Variants in PPP2R2C observed in about 807,000 individuals in gnomAD.
PPP2R2C encodes protein phosphatase 2 regulatory subunit Bgamma.
A neutral mutation model predicts 45.3 loss-of-function variants in PPP2R2C; 10 were observed. The ratio of observed to expected loss-of-function variants is 0.22; its 90% CI spans 0.14 to 0.37. The LOEUF is 0.37. Ranked by LOEUF, PPP2R2C falls within the 10% of genes least tolerant of loss-of-function variation. The pLI, the probability that PPP2R2C is intolerant of heterozygous loss-of-function variation, is 1.00. For missense variants in PPP2R2C, 308 were observed against 619.7 expected, an observed-to-expected ratio of 0.50 and a Z score of 5.34; for synonymous variants, 257 against 245.4, an observed-to-expected ratio of 1.05 and a Z score of -0.44.
Position 6,330,895 on chromosome 4 carries a change from C to T in PPP2R2C, c.961-1542G>A, listed in dbSNP as rs1732356441. ...CCCAGCCCCCGTGTCCTCCTGGTGA[C>T]CCTTGCCTTCCCCTTGGGCCCCTGG... On this transcript the variant is annotated intron_variant, in intron 7 of 8. Transcript: ENST00000382599. This position sits in a 1 kb window ranked among gnomAD's most constrained non-coding sequence, Gnocchi z 7.0. Among the ~76,000 whole-genome samples the T allele has an allele frequency of 6.6e-6, 1 of 151,762 alleles. No individual in the cohort carries two copies. Among genetic ancestry groups the T allele is most frequent in the Non-Finnish European group, 1.5e-5 (1 of 67,924 alleles).
rs556882324 is a variant in PPP2R2C, at chr4:6,425,898, G to GTGTGCATGCACACGTGCATGCA, written c.71-44826_71-44805dup. On this transcript the variant is annotated intron_variant, in intron 1 of 8. Coordinates refer to ENST00000382599, the MANE Select transcript of PPP2R2C (RefSeq NM_020416.4). ...TGTGTGGTGTGTATGTGGTGTATGTGTGTGCATGCACACGTGCATGCATGT... is the reference window on the plus strand; with the variant it reads ...TGTGTGGTGTGTATGTGGTGTATGTGTGTGCATGCACACGTGCATGCATGTGCATGCACACGTGCATGCATGT... 1.5e-4 allele frequency among the ~76,000 whole-genome samples: 23 copies of GTGTGCATGCACACGTGCATGCA among 152,134 alleles called. No individual in the cohort carries two copies. The East Asian group carries it at 3.9e-3, about 26-fold the overall frequency.
chr4:6,458,509 A>C (rs1327243103), intron 1 of PPP2R2C, among the ~76,000 whole-genome samples: 1 of 152,096 alleles, frequency 6.6e-6, no homozygotes, highest in Non-Finnish European at 1.5e-5. Context: ...TCACAACCTC[A>C]TCACTCCCAA....
At chr4:6,441,346 T>C (rs1273161210) in intron 1 of PPP2R2C, among the ~76,000 whole-genome samples, 3 of 152,016 alleles carry the variant, frequency 2.0e-5, no homozygotes, top group South Asian at 2.1e-4. Flanking sequence ...CCTCACTCCA[T>C]GGCTTAAAGC....
At chr4:6,465,846 T>C (rs1721565845) in intron 1 of PPP2R2C, among the ~76,000 whole-genome samples, 2 of 152,204 alleles carry the variant, frequency 1.3e-5, no homozygotes, top group African/African-American at 2.4e-5. Context: ...TCTTATTTCA[T>C]TTCTGGATAT....
At chr4:6,446,664 C>T (rs1319425355) in intron 1 of PPP2R2C, among the ~76,000 whole-genome samples, 1 of 152,044 alleles carries the variant, frequency 6.6e-6, no homozygotes. Flanking sequence ...TCCCTGCCTC[C>T]AAGAACATGT....
chr4:6,367,109 G>C (rs1286235152), intron 5 of PPP2R2C, among the ~76,000 whole-genome samples: 1 of 152,034 alleles, frequency 6.6e-6, no homozygotes, highest in Middle Eastern at 3.2e-3. Context: ...ACTACACCGA[G>C]ACAGGTCACA....
chr4:6,475,121 A>G (rs546987339), upstream of PPP2R2C, among the ~76,000 whole-genome samples: 5 of 152,320 alleles, frequency 3.3e-5, no homozygotes, highest in African/African-American at 1.2e-4. Flanking sequence ...TGGACAGCAT[A>G]AAGTGAGCAT....
chr4:6,478,909 G>T (rs1328817555), intron 2 of PPP2R2C, among the ~76,000 whole-genome samples: 3 of 152,212 alleles, frequency 2.0e-5, no homozygotes, highest in Non-Finnish European at 2.9e-5. Flanking sequence ...AGAGACAGGG[G>T]TGGTGAGCTC....
At chr4:6,400,109 G>A (rs1036194766) in intron 1 of PPP2R2C, among the ~76,000 whole-genome samples, 4 of 152,182 alleles carry the variant, frequency 2.6e-5, no homozygotes, top group African/African-American at 9.7e-5. Context: ...CTAAGACTGT[G>A]GTCTAAGTAC....
At chr4:6,551,960 A>C (rs1725198884) in intron 1 of PPP2R2C, among the ~76,000 whole-genome samples, 1 of 152,236 alleles carries the variant, frequency 6.6e-6, no homozygotes, top group South Asian at 2.1e-4. Context: ...GAAGCCACAG[A>C]TAACTGGAGA....
intron 1 of PPP2R2C, among the ~76,000 whole-genome samples, chr4:6,466,245 T>C (rs897568391): frequency 6.6e-6 from 1 of 152,204 alleles, no homozygotes; most frequent in Non-Finnish European, 1.5e-5. Context: ...CTGCCACACG[T>C]ACCCCTCTGC....
chr4:6,548,225 A>AAAGAAG lies in PPP2R2C; in HGVS notation c.-58-12854_-58-12849dup, dbSNP rs60462800. Among the ~76,000 whole-genome samples the AAAGAAG allele has an allele frequency of 3.6e-3, 540 of 151,122 alleles. 3 individuals carry two copies. Among genetic ancestry groups the AAAGAAG allele is most frequent in the African/African-American group, 8.1e-3 (335 of 41,234 alleles). ...AGAGTGAGACTCTGTCTTAAAAGAA[A>AAAGAAG]AAGAAGAAGAAGAAGAAGAAGAAGT... On this transcript the variant is annotated intron_variant, in intron 1 of 9. Transcript: ENST00000506140.
Position 6,328,250 on chromosome 4 carries a change from C to G in PPP2R2C, c.1052+1012G>C, listed in dbSNP as rs1403459444. On this transcript the variant is annotated intron_variant, in intron 8 of 8. Transcript: ENST00000382599. This position sits in a 1 kb window ranked among gnomAD's most constrained non-coding sequence, Gnocchi z 4.4. ...GGGAGGAGGTGACAGTACATGGGCT[C>G]CTGACAGGTGGTATTCTGATCTAGC... is the stretch of plus-strand genomic sequence containing the variant. Among the ~76,000 whole-genome samples, 1 of 152,186 alleles carries G rather than the reference C, an allele frequency of 6.6e-6. No homozygotes were observed. Among genetic ancestry groups the G allele is most frequent in the African/African-American group, 2.4e-5 (1 of 41,452 alleles).
At chr4:6,340,017 CCT>C (rs2109200091) in intron 6 of PPP2R2C, among the ~76,000 whole-genome samples, 1 of 152,184 alleles carries the variant, frequency 6.6e-6, no homozygotes. Context: ...TCCTGTTCGG[CCT>C]CTTTCCCTAT....
chr4:6,379,568 A>G (rs1715617110), intron 2 of PPP2R2C, among the ~76,000 whole-genome samples: 1 of 152,268 alleles, frequency 6.6e-6, no homozygotes, highest in African/African-American at 2.4e-5. Flanking sequence ...GAAAAATTCA[A>G]AATGAAGAAA....
rs755660787 is a variant in PPP2R2C at position 6,444,848 on chromosome 4, G to A, written c.70+27312C>T. On this transcript the variant is annotated intron_variant, in intron 1 of 8. Coordinates refer to ENST00000382599, the MANE Select transcript of PPP2R2C (RefSeq NM_020416.4). ...GACACACAAGCAGGTGGCAGGGATC[G>A]TTTCCATGTGTTCACCTTCACATCC... Among the ~76,000 whole-genome samples the A allele has an allele frequency of 7.9e-4, 120 of 152,322 alleles. 1 individual carries two copies. Among genetic ancestry groups the A allele is most frequent in the South Asian group, 4.1e-4 (2 of 4,824 alleles).
intron 2 of PPP2R2C, among the ~76,000 whole-genome samples, chr4:6,513,492 A>C (rs1428698851): frequency 1.3e-5 from 2 of 152,212 alleles, no homozygotes; most frequent in African/African-American, 4.8e-5. Context: ...GCTTCCCAGG[A>C]AACAAGAGGC....
chr4:6,512,682 A>G (rs1487517825), intron 2 of PPP2R2C, among the ~76,000 whole-genome samples: 3 of 105,594 alleles, frequency 2.8e-5, no homozygotes, highest in Non-Finnish European at 4.2e-5. Flanking sequence ...TGGTGGTGAT[A>G]CTGGTGGTGG....
At chr4:6,489,807 G>A (rs1375756148) in intron 2 of PPP2R2C, among the ~76,000 whole-genome samples, 10 of 152,142 alleles carry the variant, frequency 6.6e-5, no homozygotes, top group Non-Finnish European at 2.9e-5. Flanking sequence ...GCCATACCAG[G>A]TAGGACAGGA....
Sources: allele counts gnomAD v4.1 joint callset (sites outside exome capture counted in the v4.1 genomes callset), GRCh38; gene constraint gnomAD v4.1.1; non-coding constraint Gnocchi (gnomAD v3.1); transcripts MANE v1.5; gene names NCBI Gene and HGNC (gene_info 2026-07-23, HGNC 2026-07-21).